ALLC: variants seen among roughly 807,000 people sequenced by gnomAD.
ALLC encodes allantoicase, also known as probable inactive allantoicase.
ALLC carries 40 observed loss-of-function variants against 45.0 expected under a neutral mutation model. That is an observed-to-expected ratio of 0.89 (90% CI 0.69 to 1.16). ALLC has a LOEUF of 1.16. ALLC is among the 50% of genes most tolerant of loss of function. The probability of loss-of-function intolerance (pLI) is 0.00; values close to 1 mark genes in which losing one functional copy is unlikely to be tolerated. For synonymous variants in ALLC, 176 were observed against 178.1 expected (o/e 0.99, Z 0.09); for missense variants, 488 against 493.1 (o/e 0.99, Z 0.10).
intron 10 of ALLC, 55 bp from the exon 11 acceptor site, chr2:3,701,457 C>G: frequency 2.0e-6 from 3 of 1,522,404 alleles, no homozygotes; most frequent in Non-Finnish European, 2.7e-6. Context: ...ATATCCTATA[C>G]GCCAAACTGA....
intron 7 of ALLC, chr2:3,695,022 T>G (rs1161902389): frequency 6.6e-6 from 1 of 152,254 alleles, no homozygotes; most frequent in Non-Finnish European, 1.5e-5. Flanking sequence ...TTTTGTATTC[T>G]GAATCACATT....
At chr2:3,653,842 C>G (rs1156874677), upstream of ALLC, among the ~76,000 whole-genome samples, 1 of 152,192 alleles carries the variant, frequency 6.6e-6, no homozygotes, top group African/African-American at 2.4e-5. This position sits in a 1 kb window ranked among gnomAD's most constrained non-coding sequence, Gnocchi z 4.1. Flanking sequence ...CTGCAGCCCT[C>G]AGTCTTATTC....
the ALLC span, among the ~76,000 whole-genome samples, chr2:3,651,305 TGGGTGGGTG>T: frequency 1.3e-3 from 31 of 23,348 alleles, 10 homozygotes; most frequent in Admixed American, 2.4e-3. Context: ...TTTGGGTGGG[TGGGTGGGTG>T]GGGGGGGTGT....
intron 3 of ALLC, among the ~76,000 whole-genome samples, chr2:3,675,874 G>A (rs4849977): frequency 0.078 from 11,942 of 152,330 alleles, 544 homozygotes; most frequent in East Asian, 0.14. Context: ...ATTTCTTGAA[G>A]TTCTGGGGGC....
chr2:3,681,518 C>T (rs541798533), intron 5 of ALLC, 116 bp from the exon 6 acceptor site: 8 of 637,728 alleles, frequency 1.3e-5, no homozygotes, highest in Non-Finnish European at 1.8e-5. Context: ...TTTGATACTT[C>T]GAAATATCTT....
intron 7 of ALLC, among the ~76,000 whole-genome samples, chr2:3,683,545 ATCATCCC>A (rs1395911910): frequency 6.6e-6 from 1 of 152,234 alleles, no homozygotes; most frequent in African/African-American, 2.4e-5. Context: ...TCCTTTAGCT[ATCATCCC>A]TCATCTTCCC....
At chr2:3,664,060 C>A (rs995937668) in intron 1 of ALLC, among the ~76,000 whole-genome samples, 6 of 152,244 alleles carry the variant, frequency 3.9e-5, no homozygotes, top group Admixed American at 6.5e-5. Flanking sequence ...CAGCACCAAA[C>A]CATGTGAGCC....
intron 7 of ALLC, 92 bp downstream of exon 7, chr2:3,683,166 C>T (rs1667244028): frequency 5.9e-6 from 8 of 1,357,404 alleles, no homozygotes; most frequent in African/African-American, 1.5e-5. Context: ...CTCTTTCCTT[C>T]TTGGTAATTG....
At position 3,674,234 on chromosome 2, in the gene ALLC, C is replaced by T. The variant is rs890657768; in HGVS notation, c.84+109C>T. 10 of 785,476 alleles carry T rather than the reference C, an allele frequency of 1.3e-5. No individual in the cohort carries two copies. The African/African-American group carries it at 1.8e-4, about 14-fold the overall frequency. 48.7% of individuals were successfully genotyped at this position (785,476 alleles called of 1,614,324 possible). On this transcript the variant is annotated intron_variant, in intron 3 of 11. Coordinates refer to ENST00000252505, the MANE Select transcript of ALLC (RefSeq NM_018436.4). ...TTGGGATGGAGTCATGTGATGTACA[C>T]TGGCAAATTAGCATATTAGAATGTT...
intron 1 of ALLC, among the ~76,000 whole-genome samples, chr2:3,659,566 T>C (rs1359991732): frequency 2.0e-5 from 3 of 152,232 alleles, no homozygotes. Flanking sequence ...TGCCACAGGC[T>C]GTCTGAGCAC....
chr2:3,656,821 G>T (rs900851363), upstream of ALLC, among the ~76,000 whole-genome samples: 4 of 145,746 alleles, frequency 2.7e-5, no homozygotes, highest in African/African-American at 1.1e-4. Flanking sequence ...GTCAGGGTGT[G>T]GAGGGCAGAG....
the ALLC span, among the ~76,000 whole-genome samples, chr2:3,651,886 C>T: frequency 6.6e-6 from 1 of 152,182 alleles, no homozygotes; most frequent in African/African-American, 2.4e-5. Flanking sequence ...TAGAAGGCAA[C>T]TCAAGGTCAC....
chr2:3,675,924 G>A (rs893507142), intron 3 of ALLC, among the ~76,000 whole-genome samples: 2 of 152,244 alleles, frequency 1.3e-5, no homozygotes, highest in Non-Finnish European at 2.9e-5. Flanking sequence ...AGCAGCTCCA[G>A]CATCTGGTGA....
intron 2 of ALLC, among the ~76,000 whole-genome samples, chr2:3,672,642 TGG>T: frequency 8.9e-6 from 1 of 111,816 alleles, no homozygotes; most frequent in African/African-American, 3.7e-5. Context: ...TCTGGTTAGA[TGG>T]GAGGTCCTCT....
rs756224698 is a variant in ALLC at position 3,680,009 on chromosome 2, A to G, written c.298+15A>G. 2.5e-6 allele frequency: 4 copies of G among 1,613,414 alleles called. No homozygotes were observed. In the South Asian group the frequency reaches 3.3e-5, roughly 13 times the overall value. On this transcript the variant is annotated intron_variant, in intron 5 of 11. Coordinates refer to ENST00000252505, the MANE Select transcript of ALLC (RefSeq NM_018436.4). This position sits in a 1 kb window ranked among gnomAD's most constrained non-coding sequence, Gnocchi z 4.0. ...CTTGGAAGAAGGTGCGTTAGGAACCACTGTCCCCAAAATGAGAATTATGGG... is the reference window on the plus strand; with the variant it reads ...CTTGGAAGAAGGTGCGTTAGGAACCGCTGTCCCCAAAATGAGAATTATGGG...
At chr2:3,686,072 C>T (rs1572523535) in intron 7 of ALLC, among the ~76,000 whole-genome samples, 1 of 151,004 alleles carries the variant, frequency 6.6e-6, no homozygotes, top group South Asian at 2.1e-4. Flanking sequence ...TGTCCTAGAG[C>T]ATTTCCCCAA....
intron 5 of ALLC, 66 bp from the exon 6 acceptor site, chr2:3,681,568 C>A: frequency 1.7e-6 from 2 of 1,172,280 alleles, no homozygotes; most frequent in Non-Finnish European, 1.2e-6. Flanking sequence ...TACAAACCAC[C>A]AAGAGAGTAG....
At chr2:3,661,169 G>A (rs1572502806) in intron 1 of ALLC, among the ~76,000 whole-genome samples, 1 of 152,136 alleles carries the variant, frequency 6.6e-6, no homozygotes. Flanking sequence ...CCTTAGCAAT[G>A]GGTATAATAA....
chr2:3,671,320 C>T (rs1056452731), intron 2 of ALLC, 130 bp downstream of exon 2: 3 of 1,037,768 alleles, frequency 2.9e-6, no homozygotes, highest in Middle Eastern at 2.1e-4. Context: ...CCAAGGAAAC[C>T]CGTTAGCGAG....
Sources: gnomAD v4.1 joint callset for allele counts (sites outside exome capture counted in the v4.1 genomes callset) on GRCh38, gnomAD v4.1.1 for gene constraint, Gnocchi (gnomAD v3.1) non-coding constraint, MANE v1.5 for transcripts, NCBI Gene and HGNC (gene_info 2026-07-23, HGNC 2026-07-21) for gene names.